GRIP1: variants seen among roughly 807,000 people sequenced by gnomAD.
The protein encoded by GRIP1 is glutamate receptor interacting protein 1.
Under a neutral mutation model 129.9 loss-of-function variants are expected in GRIP1, and 45 were observed. The ratio of observed to expected loss-of-function variants is 0.35; its 90% CI spans 0.27 to 0.44. The LOEUF (loss-of-function observed/expected upper bound fraction) is 0.44. GRIP1 is among the 20% of genes least tolerant of loss of function. The pLI is 1.00. For missense variants in GRIP1, 1,196 were observed against 1,396.8 expected (o/e 0.86, Z 2.29); for synonymous variants, 530 against 520.8 (o/e 1.02, Z -0.24).
rs184259254 is a variant in GRIP1, at chr12:67,048,269, T to C, written c.58+20781A>G. Among the ~76,000 whole-genome samples the C allele has an allele frequency of 4.7e-3, 711 of 152,246 alleles. 5 individuals carry two copies. Among genetic ancestry groups the C allele is most frequent in the African/African-American group, 0.016 (677 of 41,532 alleles). Reference sequence around the variant, plus strand: ...CAAACGTGACAAGATTTTTAAAATATTGTTGCTTATAACAACATATACATT... The same window carrying C: ...CAAACGTGACAAGATTTTTAAAATACTGTTGCTTATAACAACATATACATT... On this transcript the variant is annotated intron_variant, in intron 1 of 1. Coordinates refer to the GRIP1 transcript ENST00000643019.
chr12:66,527,008 T>G (rs1012352435), intron 5 of GRIP1, among the ~76,000 whole-genome samples: 2 of 138,380 alleles, frequency 1.4e-5, no homozygotes, highest in African/African-American at 5.5e-5. Flanking sequence ...ATGGCGATCA[T>G]TAAAAAGTCA....
intron 1 of GRIP1, among the ~76,000 whole-genome samples, chr12:66,838,012 G>A (rs1017139240): frequency 2.6e-5 from 4 of 152,106 alleles, no homozygotes; most frequent in Non-Finnish European, 1.5e-5. Context: ...TGGCCAACAT[G>A]GTGAAACCCT....
intron 1 of GRIP1, among the ~76,000 whole-genome samples, chr12:66,796,825 T>G (rs2038713303): frequency 1.3e-5 from 2 of 152,192 alleles, no homozygotes; most frequent in Admixed American, 1.3e-4. Flanking sequence ...GCATTATATT[T>G]TATTATTTAC....
chr12:66,446,539 A>C lies in GRIP1; in HGVS notation c.1355-1031T>G, dbSNP rs116650850. Among the ~76,000 whole-genome samples, 380 of 152,284 alleles carry C rather than the reference A, an allele frequency of 2.5e-3. 3 individuals are homozygous for C. The highest frequency in any genetic ancestry group is 9.0e-3 in the African/African-American group (372 of 41,546). On this transcript the variant is annotated intron_variant, in intron 11 of 24. Coordinates refer to ENST00000359742, the MANE Select transcript of GRIP1 (RefSeq NM_001366722.1). Reference sequence around the variant, plus strand: ...ACTCCTTGCTCTCCACATACGGTACATTGATTCAACTACTCCTATTTAAAA... The same window carrying C: ...ACTCCTTGCTCTCCACATACGGTACCTTGATTCAACTACTCCTATTTAAAA...
At chr12:66,894,863 T>G (rs757538444) in intron 1 of GRIP1, among the ~76,000 whole-genome samples, 6 of 152,178 alleles carry the variant, frequency 3.9e-5, no homozygotes, top group Non-Finnish European at 5.9e-5. Context: ...ACCAATAACT[T>G]TGACTCCTTG....
intron 1 of GRIP1, among the ~76,000 whole-genome samples, chr12:66,815,820 A>AT (rs1555241749): frequency 2.5e-5 from 3 of 118,570 alleles, no homozygotes; most frequent in African/African-American, 1.1e-4. Context: ...AAGATGAAAG[A>AT]TTTCTTTCTT....
At chr12:67,055,892 G>T (rs1198944454) in intron 1 of GRIP1, among the ~76,000 whole-genome samples, 2 of 152,152 alleles carry the variant, frequency 1.3e-5, no homozygotes, top group Non-Finnish European at 2.9e-5. Flanking sequence ...ACAAGTGAAT[G>T]ACAGGACAAC....
At chr12:66,371,650 G>T in intron 23 of GRIP1, 44 bp downstream of exon 23, 1 of 1,291,310 alleles carries the variant, frequency 7.7e-7, no homozygotes, top group Non-Finnish European at 1.1e-6. Context: ...ATGCAGAATG[G>T]CTGCCAAATT....
chr12:66,719,420 A>G (rs1450061522), intron 1 of GRIP1, among the ~76,000 whole-genome samples: 1 of 152,170 alleles, frequency 6.6e-6, no homozygotes, highest in Non-Finnish European at 1.5e-5. Flanking sequence ...ATGGTTTATA[A>G]GCTAGGAGTA....
chr12:66,392,226 C>T, intron 19 of GRIP1, 82 bp downstream of exon 19: 1 of 842,954 alleles, frequency 1.2e-6, no homozygotes, highest in South Asian at 1.4e-5. Flanking sequence ...AAGATATTCT[C>T]CTCATGGAGC....
intron 1 of GRIP1, among the ~76,000 whole-genome samples, chr12:66,758,219 A>T (rs1023980855): frequency 6.6e-6 from 1 of 152,160 alleles, no homozygotes; most frequent in African/African-American, 2.4e-5. Flanking sequence ...GAGGCCTCAG[A>T]ATTATGGTGG....
intron 1 of GRIP1, among the ~76,000 whole-genome samples, chr12:66,614,782 T>G (rs990617641): frequency 1.3e-5 from 2 of 152,158 alleles, no homozygotes; most frequent in Non-Finnish European, 2.9e-5. Context: ...TGTATCTTTC[T>G]CCTCTTCATT....
At chr12:66,874,363 C>G (rs1300698810) in intron 1 of GRIP1, among the ~76,000 whole-genome samples, 1 of 151,986 alleles carries the variant, frequency 6.6e-6, no homozygotes, top group Admixed American at 6.6e-5. Flanking sequence ...TCATATACCA[C>G]AGTGCTGATT....
At chr12:66,841,317 C>T (rs1275271388) in intron 1 of GRIP1, among the ~76,000 whole-genome samples, 2 of 152,008 alleles carry the variant, frequency 1.3e-5, no homozygotes, top group African/African-American at 2.4e-5. Context: ...ATGTCCTTGT[C>T]CTCAGAGAGC....
chr12:66,790,914 G>A (rs2136855735), intron 1 of GRIP1, among the ~76,000 whole-genome samples: 1 of 152,180 alleles, frequency 6.6e-6, no homozygotes, highest in South Asian at 2.1e-4. Context: ...GGAAGGAGAA[G>A]GTATCAAAGA....
rs1259058340 is a variant in GRIP1 at position 66,874,963 on chromosome 12, A to G, written c.58+194087T>C. 1.7e-4 allele frequency among the ~76,000 whole-genome samples: 26 copies of G among 152,084 alleles called. 1 individual carries two copies. The highest frequency in any genetic ancestry group is 1.5e-5 in the Non-Finnish European group (1 of 67,982). On this transcript the variant is annotated intron_variant, in intron 1 of 1. Transcript: ENST00000643019. Reference sequence around the variant, plus strand: ...TTCTAAGATATATTACATTTCATGTATACATACCCTGTATGTATGCTATAA... The same window carrying G: ...TTCTAAGATATATTACATTTCATGTGTACATACCCTGTATGTATGCTATAA...
upstream of GRIP1, among the ~76,000 whole-genome samples, chr12:66,682,569 G>A (rs1294566694): frequency 2.0e-5 from 3 of 152,098 alleles, no homozygotes; most frequent in Non-Finnish European, 2.9e-5. Context: ...ATCAGCAGGT[G>A]GCACACATAG....
At chr12:66,978,604 T>C (rs1166966922) in intron 1 of GRIP1, among the ~76,000 whole-genome samples, 1 of 152,206 alleles carries the variant, frequency 6.6e-6, no homozygotes, top group Non-Finnish European at 1.5e-5. Context: ...GCTTCTGCAT[T>C]CCTTTCTTTC....
rs566655781 is a variant in GRIP1, at chr12:67,044,696, T to C, written c.58+24354A>G. On this transcript the variant is annotated intron_variant, in intron 1 of 1. Coordinates refer to the GRIP1 transcript ENST00000643019. ...AATTCTCCTCTAGTGACTGTCATAA[T>C]GTTTCCATTTTATAATTTAAACACA... 4.0e-4 allele frequency among the ~76,000 whole-genome samples: 61 copies of C among 152,298 alleles called. 1 individual carries two copies. In the South Asian group the frequency reaches 0.013, roughly 32 times the overall value.
Sources: allele counts gnomAD v4.1 joint callset (sites outside exome capture counted in the v4.1 genomes callset), GRCh38; gene constraint gnomAD v4.1.1; transcripts MANE v1.5; gene names NCBI Gene and HGNC (gene_info 2026-07-23, HGNC 2026-07-21).